Variants in TSHZ2 observed in about 807,000 individuals in gnomAD.
TSHZ2 encodes teashirt homolog 2.
TSHZ2 carries 21 observed loss-of-function variants against 74.4 expected under a neutral mutation model. The observed-to-expected ratio is 0.28, with a 90% CI of 0.20 to 0.41. The LOEUF (loss-of-function observed/expected upper bound fraction) is 0.41. TSHZ2 is among the 10% of genes least tolerant of loss of function. The pLI, the probability that TSHZ2 is intolerant of heterozygous loss-of-function variation, is 1.00. For synonymous variants in TSHZ2, 540 were observed against 515.3 expected (o/e 1.05, Z -0.65); for missense variants, 1,244 against 1,293.5 (o/e 0.96, Z 0.59).
At chr20:53,367,129 C>T (rs1172287285) in intron 2 of TSHZ2, among the ~76,000 whole-genome samples, 2 of 152,094 alleles carry the variant, frequency 1.3e-5, no homozygotes, top group African/African-American at 2.4e-5. Context: ...GGCGTGGTGA[C>T]TCATGCCTGT....
intron 2 of TSHZ2, among the ~76,000 whole-genome samples, chr20:53,415,737 GTA>G (rs375677335): frequency 2.6e-3 from 4 of 1,530 alleles, no homozygotes; most frequent in African/African-American, 0.01. Flanking sequence ...GTGCCTGTGT[GTA>G]TATATGTGTA....
chr20:53,137,935 AGTG>A (rs1987288374), intron 1 of TSHZ2, among the ~76,000 whole-genome samples: 1 of 152,154 alleles, frequency 6.6e-6, no homozygotes, highest in Non-Finnish European at 1.5e-5. Context: ...AATCTAATAA[AGTG>A]TATTTTTAAG....
At chr20:53,405,755 G>A (rs1982830009) in intron 2 of TSHZ2, among the ~76,000 whole-genome samples, 1 of 152,170 alleles carries the variant, frequency 6.6e-6, no homozygotes, top group African/African-American at 2.4e-5. Context: ...CAGCATTTCA[G>A]GAGGCCAAGG....
chr20:53,366,479 C>T (rs1301712570), intron 2 of TSHZ2, among the ~76,000 whole-genome samples: 3 of 152,144 alleles, frequency 2.0e-5, no homozygotes, highest in African/African-American at 7.2e-5. Context: ...ATGATGATAC[C>T]ATTTCGGTGC....
At chr20:53,444,257 C>T (rs1024344563) in intron 2 of TSHZ2, among the ~76,000 whole-genome samples, 1 of 152,190 alleles carries the variant, frequency 6.6e-6, no homozygotes, top group Non-Finnish European at 1.5e-5. Context: ...CTAGCATATT[C>T]TGGAAACTCT....
At chr20:53,461,450 A>G (rs949146409) in intron 2 of TSHZ2, 1 of 153,562 alleles carries the variant, frequency 6.5e-6, no homozygotes, top group African/African-American at 2.4e-5. Context: ...GGCACTCCCT[A>G]GTGAGATGAA....
intron 1 of TSHZ2, among the ~76,000 whole-genome samples, chr20:53,227,565 T>C (rs777643679): frequency 3.0e-4 from 45 of 152,070 alleles, no homozygotes; most frequent in Non-Finnish European, 5.3e-4. Context: ...GTGATTTAAT[T>C]GTTTCTTATC....
chr20:53,071,363 C>A (rs999065809), intron 1 of TSHZ2, among the ~76,000 whole-genome samples: 7 of 152,202 alleles, frequency 4.6e-5, no homozygotes, highest in Non-Finnish European at 1.0e-4. Flanking sequence ...CATTGTTGAA[C>A]CAGCCATCTG....
At chr20:53,428,808 AAATGTCATGCATGTG>A (rs2145728629) in intron 2 of TSHZ2, among the ~76,000 whole-genome samples, 1 of 152,262 alleles carries the variant, frequency 6.6e-6, no homozygotes, top group South Asian at 2.1e-4. Context: ...GGAATCATAA[AAATGTCATGCATGTG>A]AATGACAGGC....
At position 53,254,003 on chromosome 20, in the gene TSHZ2, C is replaced by T. The variant is rs1391812588; in HGVS notation, c.545C>T (p.Pro182Leu). 6.2e-7 allele frequency: 1 copy of T among 1,614,168 alleles called. No homozygotes were observed. Reference sequence around the variant, plus strand: ...TCCAAAAGCCTGCAGCAGAACTTGCCTTCTCGGTCCGTCTCGAAACCCAGC... The same window carrying T: ...TCCAAAAGCCTGCAGCAGAACTTGCTTTCTCGGTCCGTCTCGAAACCCAGC... ...ALSKSLQQNL[P>L]SRSVSKPSLF... Residue 182 changes from proline to leucine, a missense_variant, in exon 2 of 3, where the codon CCT becomes CTT. Physicochemically the swap from Pro to Leu is moderately conservative, Grantham distance 98. Coordinates refer to ENST00000371497, the MANE Select transcript of TSHZ2 (RefSeq NM_173485.6).
At chr20:53,024,982 A>G (rs1177377959) in intron 1 of TSHZ2, among the ~76,000 whole-genome samples, 1 of 152,152 alleles carries the variant, frequency 6.6e-6, no homozygotes, top group East Asian at 1.9e-4. Flanking sequence ...TTTATCTTGC[A>G]GGTAAATTTT....
At chr20:53,078,092 A>G (rs894172370) in intron 1 of TSHZ2, among the ~76,000 whole-genome samples, 3 of 152,220 alleles carry the variant, frequency 2.0e-5, no homozygotes, top group African/African-American at 7.2e-5. Flanking sequence ...AAGGAGGGAG[A>G]ATGACATGCG....
chr20:53,345,704 A>G (rs1371758027), intron 2 of TSHZ2, among the ~76,000 whole-genome samples: 1 of 123,234 alleles, frequency 8.1e-6, no homozygotes, highest in Non-Finnish European at 1.6e-5. Context: ...TATATCTTTC[A>G]TCCCCAAGAA....
chr20:53,184,489 T>A (rs556575061), intron 1 of TSHZ2, among the ~76,000 whole-genome samples: 2 of 152,174 alleles, frequency 1.3e-5, no homozygotes, highest in Non-Finnish European at 2.9e-5. Context: ...ATGTGAATTT[T>A]AAGGCATTAT....
rs375492704 is a variant in TSHZ2, at chr20:53,369,172, G to A, written c.*8+112601G>A. Among the ~76,000 whole-genome samples, 9 of 152,300 alleles carry A rather than the reference G, an allele frequency of 5.9e-5. No homozygotes were observed. The East Asian group carries it at 1.2e-3, about 20-fold the overall frequency. ...CCCAGCTACTCAGGAGGCTGAGGTGGGAGGATCACCTGATCCCAGGAGGTC... is the reference window on the plus strand; with the variant it reads ...CCCAGCTACTCAGGAGGCTGAGGTGAGAGGATCACCTGATCCCAGGAGGTC... On this transcript the variant is annotated intron_variant, in intron 2 of 2. Coordinates refer to ENST00000371497, the MANE Select transcript of TSHZ2 (RefSeq NM_173485.6).
intron 2 of TSHZ2, among the ~76,000 whole-genome samples, chr20:53,376,324 T>C (rs934895855): frequency 1.3e-5 from 2 of 152,324 alleles, no homozygotes; most frequent in East Asian, 1.9e-4. Context: ...CTGGAACAGA[T>C]GGACCATCCT....
intron 1 of TSHZ2, among the ~76,000 whole-genome samples, chr20:53,246,804 T>G (rs989418660): frequency 6.6e-5 from 10 of 152,208 alleles, no homozygotes; most frequent in African/African-American, 2.4e-4. Context: ...AAAATGTGAT[T>G]AGAAAACGTT....
chr20:53,466,853 A>G lies in TSHZ2; in HGVS notation c.*9-20291A>G, dbSNP rs149452674. Among the ~76,000 whole-genome samples the G allele has an allele frequency of 4.3e-3, 651 of 152,266 alleles. 5 individuals are homozygous for G. Among genetic ancestry groups the G allele is most frequent in the African/African-American group, 0.015 (608 of 41,546 alleles). Reference sequence around the variant, plus strand: ...ATGGCAACAGCTGGGTAGTTTTTCAATCCTTATCATTTTGCATTATATAGC... The same window carrying G: ...ATGGCAACAGCTGGGTAGTTTTTCAGTCCTTATCATTTTGCATTATATAGC... On this transcript the variant is annotated intron_variant, in intron 2 of 2. Transcript: ENST00000371497.
At chr20:53,209,183 G>T (rs945147605) in intron 1 of TSHZ2, among the ~76,000 whole-genome samples, 2 of 152,134 alleles carry the variant, frequency 1.3e-5, no homozygotes, top group African/African-American at 4.8e-5. Flanking sequence ...CGTCTCCAAG[G>T]TTCAAGTGAT....
Sources: allele counts gnomAD v4.1 joint callset (sites outside exome capture counted in the v4.1 genomes callset), GRCh38; gene constraint gnomAD v4.1.1; transcripts MANE v1.5; gene names NCBI Gene and HGNC (gene_info 2026-07-23, HGNC 2026-07-21).